Variants in SNX27 observed in about 807,000 individuals in gnomAD.
The protein encoded by SNX27 is sorting nexin 27.
Under a neutral mutation model 71.6 loss-of-function variants are expected in SNX27, and 22 were observed. The observed-to-expected ratio is 0.31, with a 90% CI of 0.22 to 0.44. SNX27 has a LOEUF of 0.44. SNX27 is among the 20% of genes least tolerant of loss of function. SNX27 has a pLI of 1.00. For synonymous variants in SNX27, 269 were observed against 277.2 expected (o/e 0.97, Z 0.29); for missense variants, 531 against 698.6 (o/e 0.76, Z 2.70).
intron 1 of SNX27, among the ~76,000 whole-genome samples, chr1:151,633,080 G>A (rs1668314868): frequency 3.3e-5 from 5 of 151,952 alleles, no homozygotes; most frequent in Admixed American, 3.3e-4. Context: ...CACCGTGTTA[G>A]CCAGGATGGT....
intron 1 of SNX27, among the ~76,000 whole-genome samples, chr1:151,624,492 C>T (rs1420158431): frequency 3.5e-5 from 5 of 142,504 alleles, no homozygotes; most frequent in East Asian, 4.1e-4. Context: ...AGTGCAGTGG[C>T]GTGATCTTGG....
intron 7 of SNX27, among the ~76,000 whole-genome samples, chr1:151,671,877 A>G (rs931388437): frequency 6.6e-6 from 1 of 151,882 alleles, no homozygotes; most frequent in African/African-American, 2.4e-5. Context: ...TACTGAATTT[A>G]TTTATCAGTT....
chr1:151,629,863 GC>G (rs1668133847), intron 1 of SNX27, among the ~76,000 whole-genome samples: 1 of 151,874 alleles, frequency 6.6e-6, no homozygotes, highest in Non-Finnish European at 1.5e-5. Flanking sequence ...ACAGGCGTGA[GC>G]CAATGTGCCC....
chr1:151,623,449 A>G (rs1667771657), intron 1 of SNX27, among the ~76,000 whole-genome samples: 1 of 151,656 alleles, frequency 6.6e-6, no homozygotes. Flanking sequence ...ATTTTTTAAT[A>G]GAGACGGGGT....
intron 8 of SNX27, 109 bp from the exon 9 acceptor site, chr1:151,692,326 T>C: frequency 7.4e-7 from 1 of 1,348,624 alleles, no homozygotes; most frequent in Non-Finnish European, 9.7e-7. Context: ...GAATACTCTT[T>C]GTTCTTTTTC....
intron 2 of SNX27, among the ~76,000 whole-genome samples, chr1:151,642,722 T>C (rs1388632426): frequency 6.6e-6 from 1 of 151,992 alleles, no homozygotes; most frequent in Non-Finnish European, 1.5e-5. Context: ...CACTGCAAGC[T>C]CCGCCTCCAT....
chr1:151,636,885 A>G (rs1668482657), intron 1 of SNX27, among the ~76,000 whole-genome samples: 1 of 152,114 alleles, frequency 6.6e-6, no homozygotes, highest in South Asian at 2.1e-4. Flanking sequence ...ATCTATATAC[A>G]TAGTACCTCT....
chr1:151,621,251 A>G (rs888232444), intron 1 of SNX27, among the ~76,000 whole-genome samples: 1 of 152,166 alleles, frequency 6.6e-6, no homozygotes, highest in African/African-American at 2.4e-5. Context: ...GCTAGGTAGT[A>G]TGTGTGTAGT....
intron 1 of SNX27, among the ~76,000 whole-genome samples, chr1:151,632,713 T>G (rs929186322): frequency 1.3e-5 from 2 of 152,144 alleles, no homozygotes; most frequent in African/African-American, 4.8e-5. Flanking sequence ...TACAGATTCA[T>G]CTACTAGATA....
Position 151,637,162 on chromosome 1 carries a change from GT to G in SNX27, c.312-1719del, listed in dbSNP as rs1203944575. Among the ~76,000 whole-genome samples, 100 of 37,338 alleles carry G rather than the reference GT, an allele frequency of 2.7e-3. 3 individuals carry two copies. Among genetic ancestry groups the G allele is most frequent in the African/African-American group, 6.0e-3 (99 of 16,596 alleles). 24.5% of individuals were successfully genotyped at this position (37,338 alleles called of 152,430 possible). A position where few individuals can be genotyped will look rare whatever the true frequency, so the allele number is the denominator to read the frequency against. On this transcript the variant is annotated intron_variant, in intron 1 of 11. Coordinates refer to ENST00000458013, the MANE Select transcript of SNX27 (RefSeq NM_001330723.2). Reference sequence around the variant, plus strand: ...GATCAGAGTTGATCACGTTTTTTTTGTTTTTTTGTTTTTTTTTTTTGAGACA... The same window carrying G: ...GATCAGAGTTGATCACGTTTTTTTTGTTTTTTGTTTTTTTTTTTTGAGACA...
intron 9 of SNX27, among the ~76,000 whole-genome samples, 162 bp downstream of exon 9, chr1:151,692,746 T>C (rs1280851709): frequency 1.3e-5 from 2 of 152,210 alleles, no homozygotes; most frequent in East Asian, 3.8e-4. Context: ...CTCAACTTCA[T>C]TGGCTGCTTC....
In SNX27 at chr1:151,658,439, C is replaced by T. The variant is rs1394954486; in HGVS notation, c.736+12C>T. 2 of 1,611,270 alleles carry T rather than the reference C, an allele frequency of 1.2e-6. No individual in the cohort carries two copies. The highest frequency in any genetic ancestry group is 2.2e-5 in the South Asian group (2 of 90,750). On this transcript the variant is annotated intron_variant, in intron 3 of 11. Transcript: ENST00000458013. ...ATATCTAGAAAAAGGTAATCCAAAC[C>T]ATCAAACTCTACTATATTGAGTAGA...
At chr1:151,679,458 A>G (rs1670843619) in intron 7 of SNX27, 1 of 152,256 alleles carries the variant, frequency 6.6e-6, no homozygotes, top group Non-Finnish European at 1.5e-5. Flanking sequence ...GTTTCCTGAA[A>G]GCTCACAAAA....
chr1:151,663,811 G>GT (rs1391267614), intron 5 of SNX27, among the ~76,000 whole-genome samples: 2 of 151,974 alleles, frequency 1.3e-5, no homozygotes, highest in African/African-American at 4.8e-5. Context: ...GAAATCTGAT[G>GT]TTTTCTTTGT....
intron 8 of SNX27, among the ~76,000 whole-genome samples, chr1:151,689,533 A>G (rs746489546): frequency 9.2e-5 from 14 of 152,226 alleles, no homozygotes; most frequent in Non-Finnish European, 1.5e-4. Context: ...AAGATCTATT[A>G]TAGTAAAAGT....
At chr1:151,664,116 TAATAAC>T (rs938912161) in intron 5 of SNX27, among the ~76,000 whole-genome samples, 2 of 147,504 alleles carry the variant, frequency 1.4e-5, no homozygotes, top group African/African-American at 2.5e-5. Flanking sequence ...TTATATATAT[TAATAAC>T]ATATGATATG....
At position 151,694,441 on chromosome 1, in the gene SNX27, C is replaced by G. The variant is rs1217662679; in HGVS notation, c.*24C>G. ...AGCCTTTCCTTATCCCCTTCCCTTC[C>G]CTTCACCCCCATCCTCTTACTCCTT... On this transcript the variant is annotated 3_prime_UTR_variant, in exon 12 of 12. Coordinates refer to ENST00000458013, the MANE Select transcript of SNX27 (RefSeq NM_001330723.2). 1 of 1,546,348 alleles carries G rather than the reference C, an allele frequency of 6.5e-7. No individual in the cohort carries two copies. Among genetic ancestry groups the G allele is most frequent in the Admixed American group, 2.0e-5 (1 of 50,878 alleles).
intron 7 of SNX27, chr1:151,675,815 T>TTTTTTTTC (rs1670668478): frequency 2.7e-5 from 1 of 37,558 alleles, no homozygotes; most frequent in Non-Finnish European, 4.6e-5. Flanking sequence ...TCTTTCTTTT[T>TTTTTTTTC]TTTTTTTTTT....
intron 7 of SNX27, among the ~76,000 whole-genome samples, chr1:151,672,867 CT>C (rs369320111): frequency 3.4e-5 from 5 of 147,244 alleles, no homozygotes; most frequent in Non-Finnish European, 6.0e-5. Flanking sequence ...TTTGGATCTT[CT>C]TTTTTTTTTC....
Sources: allele counts gnomAD v4.1 joint callset (sites outside exome capture counted in the v4.1 genomes callset), GRCh38; gene constraint gnomAD v4.1.1; transcripts MANE v1.5; gene names NCBI Gene and HGNC (gene_info 2026-07-23, HGNC 2026-07-21).